CDKL1: variants seen among roughly 807,000 people sequenced by gnomAD.
CDKL1 encodes the protein cyclin-dependent kinase-like 1.
In CDKL1, 41 loss-of-function variants were observed where a neutral mutation model predicts 42.0. The ratio of observed to expected loss-of-function variants is 0.98; its 90% confidence interval spans 0.76 to 1.27. The LOEUF (loss-of-function observed/expected upper bound fraction) is 1.27. Among genes scored for constraint, CDKL1 ranks in the 50% most tolerant of loss-of-function variants. CDKL1 has a pLI of 0.00. For missense variants in CDKL1, 394 were observed against 428.4 expected, an observed-to-expected ratio of 0.92 and a Z score of 0.71; for synonymous variants, 153 against 158.6, an observed-to-expected ratio of 0.96 and a Z score of 0.26.
chr14:50,356,879 T>G (rs2139442775), intron 3 of CDKL1, among the ~76,000 whole-genome samples: 1 of 152,334 alleles, frequency 6.6e-6, no homozygotes, highest in African/African-American at 2.4e-5. Context: ...TATAACATAT[T>G]TTGGCCAGTG....
At chr14:50,339,059 A>T in intron 6 of CDKL1, 30 bp from the exon 7 acceptor site, 1 of 1,454,788 alleles carries the variant, frequency 6.9e-7, no homozygotes. Context: ...AAGGTAAGTG[A>T]AATTGGTTAG....
At chr14:50,377,846 GGT>G in intron 2 of CDKL1, 1 of 658,196 alleles carries the variant, frequency 1.5e-6, no homozygotes, top group Non-Finnish European at 2.2e-6. Context: ...GACAGGGTCA[GGT>G]TAGCCACGAA....
At chr14:50,365,291 G>A (rs2034406030) in intron 2 of CDKL1, among the ~76,000 whole-genome samples, 2 of 152,088 alleles carry the variant, frequency 1.3e-5, no homozygotes, top group African/African-American at 4.8e-5. Flanking sequence ...TCCTTTGAGG[G>A]CTTACAGTGC....
intron 2 of CDKL1, among the ~76,000 whole-genome samples, chr14:50,389,793 G>C (rs1239750470): frequency 6.6e-6 from 1 of 152,124 alleles, no homozygotes; most frequent in Admixed American, 6.5e-5. Context: ...GCGGGAGAAC[G>C]GGCAGTATAA....
intron 2 of CDKL1, chr14:50,362,340 T>C: frequency 3.1e-6 from 1 of 318,020 alleles, no homozygotes; most frequent in Non-Finnish European, 6.3e-6. Context: ...ATCCACTGGG[T>C]GAGGCCAGCT....
At chr14:50,334,794 T>C (rs1238911298) in intron 7 of CDKL1, 173 bp from the exon 8 acceptor site, 5 of 556,834 alleles carry the variant, frequency 9.0e-6, no homozygotes, top group Non-Finnish European at 1.6e-5. Flanking sequence ...ACAAGCTTTC[T>C]CTCCCCACCT....
At chr14:50,330,412 TGAA>T (rs1310383896) in intron 9 of CDKL1, 1 of 442,822 alleles carries the variant, frequency 2.3e-6, no homozygotes, top group Non-Finnish European at 3.9e-6. Context: ...TTAGAGAATA[TGAA>T]AAGGGGAAAA....
intron 8 of CDKL1, chr14:50,333,544 G>A (rs1566571296): frequency 6.6e-6 from 1 of 152,060 alleles, no homozygotes; most frequent in South Asian, 2.1e-4. Context: ...CCCTTGTTTA[G>A]CATATAATCA....
chr14:50,377,500 CTT>C (rs772397199), intron 2 of CDKL1: 20 of 1,016,752 alleles, frequency 2.0e-5, no homozygotes, highest in Non-Finnish European at 2.4e-5. Flanking sequence ...CTGTCTCAGA[CTT>C]TACTTTCTGG....
chr14:50,373,452 G>A (rs529748009), intron 2 of CDKL1, among the ~76,000 whole-genome samples: 54 of 152,270 alleles, frequency 3.5e-4, no homozygotes, highest in Middle Eastern at 3.4e-3. Context: ...AGGCAAACAC[G>A]CAAGATTGGC....
intron 3 of CDKL1, among the ~76,000 whole-genome samples, chr14:50,351,514 GC>G (rs2033900382): frequency 6.6e-6 from 1 of 151,890 alleles, no homozygotes; most frequent in South Asian, 2.1e-4. Context: ...TGGGCAGATT[GC>G]TTGAGCCCAA....
At chr14:50,358,631 C>G (rs1306788708) in intron 3 of CDKL1, among the ~76,000 whole-genome samples, 1 of 59,788 alleles carries the variant, frequency 1.7e-5, no homozygotes, top group Non-Finnish European at 3.5e-5. Flanking sequence ...CTGTTTTTAA[C>G]TAGTCTTTTT....
chr14:50,332,296 CTCTTTCTTAGGG>C lies in CDKL1; in HGVS notation c.920_931del (p.Thr307_Lys310del). ...TTCTGTAAAGCAGTGGTGCTTTCGG[CTCTTTCTTAGGG>C]TCTTCCTTGTTGGTTTGTTGTGTTC... On this transcript the variant is annotated inframe_deletion, in exon 9 of 10. Coordinates refer to ENST00000395834, the MANE Select transcript of CDKL1 (RefSeq NM_004196.7). 1 of 1,614,136 alleles carries C rather than the reference CTCTTTCTTAGGG, an allele frequency of 6.2e-7. No homozygotes were observed. The highest frequency in any genetic ancestry group is 8.5e-7 in the Non-Finnish European group (1 of 1,180,020).
chr14:50,335,647 A>G, intron 7 of CDKL1: 2 of 1,514,976 alleles, frequency 1.3e-6, no homozygotes, highest in Non-Finnish European at 1.8e-6. Flanking sequence ...TTGAGCAGAG[A>G]GGCTGAGAAA....
At chr14:50,339,575 A>G (rs1371265118) in intron 6 of CDKL1, among the ~76,000 whole-genome samples, 2 of 151,946 alleles carry the variant, frequency 1.3e-5, no homozygotes, top group Non-Finnish European at 1.5e-5. Flanking sequence ...GGAAGAAATC[A>G]CGGATTTTCT....
chr14:50,341,471 G>GCA (rs1566578814), intron 5 of CDKL1, among the ~76,000 whole-genome samples: 3 of 116,322 alleles, frequency 2.6e-5, no homozygotes, highest in African/African-American at 9.9e-5. Flanking sequence ...GGGGGGGGGG[G>GCA]GTTATTTGGC....
intron 2 of CDKL1, among the ~76,000 whole-genome samples, chr14:50,376,107 C>T (rs887540656): frequency 6.6e-6 from 1 of 152,012 alleles, no homozygotes; most frequent in Non-Finnish European, 1.5e-5. Flanking sequence ...GGAAATTCAA[C>T]AAAAAATTAA....
intron 4 of CDKL1, among the ~76,000 whole-genome samples, chr14:50,343,329 G>C (rs937350689): frequency 3.3e-5 from 5 of 152,040 alleles, no homozygotes; most frequent in Non-Finnish European, 5.9e-5. Flanking sequence ...AATCTGGAGA[G>C]GACTTGGGTT....
At chr14:50,332,080 G>A in intron 9 of CDKL1, 182 bp downstream of exon 9, 1 of 1,562,310 alleles carries the variant, frequency 6.4e-7, no homozygotes, top group Non-Finnish European at 8.6e-7. Flanking sequence ...GCACCTTTAG[G>A]ATTCAGGGAG....
Sources: allele counts gnomAD v4.1 joint callset (sites outside exome capture counted in the v4.1 genomes callset), GRCh38; gene constraint gnomAD v4.1.1; transcripts MANE v1.5; gene names NCBI Gene and HGNC (gene_info 2026-07-23, HGNC 2026-07-21).